The following MIA2 variants were observed in gnomAD, a reference collection of about 807,000 sequenced individuals.
The protein encoded by MIA2 is MIA SH3 domain ER export factor 2.
In MIA2, 127 loss-of-function variants were observed where a neutral mutation model predicts 167.8. That is an observed-to-expected ratio of 0.76 (90% confidence interval 0.66 to 0.88). The LOEUF is 0.88. MIA2 is among the 40% of genes least tolerant of loss of function. The probability of loss-of-function intolerance (pLI) is 0.00; values close to 1 mark genes in which losing one functional copy is unlikely to be tolerated. For missense variants in MIA2, 1,690 were observed against 1,624.7 expected (o/e 1.04, Z -0.69); for synonymous variants, 552 against 541.9 (o/e 1.02, Z -0.26).
At chr14:39,317,172 G>A (rs1021262231) in intron 21 of MIA2, among the ~76,000 whole-genome samples, 1 of 152,102 alleles carries the variant, frequency 6.6e-6, no homozygotes, top group Non-Finnish European at 1.5e-5. Flanking sequence ...AGGAACCACA[G>A]GCTAAAGAAT....
intron 13 of MIA2, among the ~76,000 whole-genome samples, chr14:39,299,068 TAAAAAA>T (rs3065043): frequency 1.1e-4 from 5 of 44,002 alleles, no homozygotes; most frequent in African/African-American, 2.5e-4. Context: ...TCCCTGCCTC[TAAAAAA>T]AAAAAAAAAA....
intron 23 of MIA2, among the ~76,000 whole-genome samples, chr14:39,361,269 C>T (rs2074676261): frequency 6.6e-6 from 1 of 152,030 alleles, no homozygotes; most frequent in Non-Finnish European, 1.5e-5. Context: ...TATTCCAATC[C>T]TGTGATGATG....
At chr14:39,383,654 A>G (rs1783344884) in intron 23 of MIA2, among the ~76,000 whole-genome samples, 1 of 152,258 alleles carries the variant, frequency 6.6e-6, no homozygotes, top group African/African-American at 2.4e-5. Flanking sequence ...GTGAATGCAA[A>G]GGAGAAGTTC....
chr14:39,340,306 T>C (rs1012288339), intron 25 of MIA2, among the ~76,000 whole-genome samples: 8 of 152,228 alleles, frequency 5.3e-5, no homozygotes, highest in African/African-American at 9.7e-5. Flanking sequence ...ACCTTGGTGG[T>C]GTAATCATGA....
rs372437695 is a variant in MIA2, at chr14:39,372,585, G to A, written c.2249-14300G>A. Among the ~76,000 whole-genome samples the A allele has an allele frequency of 9.1e-4, 139 of 152,308 alleles. 3 individuals are homozygous for A. The South Asian group carries it at 0.01, about 11-fold the overall frequency. ...GAACTTCGTAAATTTTAAATAACTT[G>A]AGGGTATGTTTAGTTGAGAAGAGGA... On this transcript the variant is annotated intron_variant, in intron 23 of 23. Coordinates refer to the MIA2 transcript ENST00000341502.
chr14:39,252,692 A>T, intron 4 of MIA2, 56 bp from the exon 5 acceptor site: 3 of 1,332,756 alleles, frequency 2.3e-6, no homozygotes, highest in Non-Finnish European at 3.1e-6. Context: ...ACAAAAGGGG[A>T]GCCCTCAACA....
At chr14:39,330,732 A>G (rs1272184550) in intron 25 of MIA2, among the ~76,000 whole-genome samples, 1 of 152,162 alleles carries the variant, frequency 6.6e-6, no homozygotes, top group Non-Finnish European at 1.5e-5. Context: ...CCTAGTAGTC[A>G]TTCAGGAGCA....
intron 1 of MIA2, among the ~76,000 whole-genome samples, chr14:39,236,556 T>C (rs1385186926): frequency 6.6e-6 from 1 of 152,210 alleles, no homozygotes; most frequent in Non-Finnish European, 1.5e-5. Flanking sequence ...TAGAATATAG[T>C]AAGTGCCAGG....
intron 24 of MIA2, among the ~76,000 whole-genome samples, chr14:39,325,618 T>C (rs569607168): frequency 2.0e-3 from 299 of 151,984 alleles, no homozygotes; most frequent in African/African-American, 6.4e-3. Flanking sequence ...CCGCCCGCCT[T>C]GACCTCCCAA....
In MIA2 at chr14:39,266,428, C is replaced by T. The variant is rs1055061337; in HGVS notation, c.1888-10506C>T. 2.3e-5 allele frequency: 23 copies of T among 985,270 alleles called. No individual in the cohort carries two copies. The African/African-American group carries it at 3.7e-4, about 16-fold the overall frequency. The allele number at this position is 985,270 out of a possible 1,614,324, so 61.0% of individuals were successfully genotyped here. A position where few individuals can be genotyped will look rare whatever the true frequency, so the allele number is the denominator to read the frequency against. On this transcript the variant is annotated intron_variant, in intron 6 of 28. Coordinates refer to ENST00000640607, the MANE Select transcript of MIA2 (RefSeq NM_001329214.4). ...TCTCGGAGGAAAACAGCACGCACCGCGCCAGGCCAAGGTCCACGGGGATTT... is the reference window on the plus strand; with the variant it reads ...TCTCGGAGGAAAACAGCACGCACCGTGCCAGGCCAAGGTCCACGGGGATTT...
chr14:39,347,424 G>C, intron 26 of MIA2: 2 of 362,054 alleles, frequency 5.5e-6, no homozygotes, highest in Non-Finnish European at 9.9e-6. Flanking sequence ...AGGAAAAGAA[G>C]GAAGGAGGGA....
intron 7 of MIA2, among the ~76,000 whole-genome samples, chr14:39,277,708 A>T (rs1291312032): frequency 1.7e-3 from 12 of 6,900 alleles, no homozygotes; most frequent in African/African-American, 0.011. Flanking sequence ...ATATATATAT[A>T]TATATATGTG....
At chr14:39,346,092 G>C in intron 26 of MIA2, 66 bp downstream of exon 26, 1 of 1,358,062 alleles carries the variant, frequency 7.4e-7, no homozygotes, top group Non-Finnish European at 1.0e-6. Flanking sequence ...CTGGAAGTTA[G>C]AATAAAGACC....
chr14:39,333,728 C>T (rs1159671016), intron 25 of MIA2, among the ~76,000 whole-genome samples: 2 of 152,256 alleles, frequency 1.3e-5, no homozygotes, highest in South Asian at 2.1e-4. Context: ...TTAAGCGCTT[C>T]AGGCAGTTAT....
At chr14:39,294,891 T>C in intron 12 of MIA2, 34 bp from the exon 13 acceptor site, 1 of 1,377,194 alleles carries the variant, frequency 7.3e-7, no homozygotes, top group Non-Finnish European at 1.0e-6. Flanking sequence ...ATTAAATTAA[T>C]TGTTACAAAC....
intron 23 of MIA2, among the ~76,000 whole-genome samples, chr14:39,381,582 C>CT (rs1375911011): frequency 6.6e-6 from 1 of 151,980 alleles, no homozygotes; most frequent in Non-Finnish European, 1.5e-5. Context: ...GGCCGAAGCT[C>CT]TTTCGGTTTC....
At chr14:39,357,134 C>G (rs1259007077) in intron 23 of MIA2, among the ~76,000 whole-genome samples, 1 of 151,818 alleles carries the variant, frequency 6.6e-6, no homozygotes, top group African/African-American at 2.4e-5. Context: ...GTTGATCTGT[C>G]TAATGTTGAC....
At chr14:39,306,876 C>G (rs191305446) in intron 17 of MIA2, among the ~76,000 whole-genome samples, 131 of 151,932 alleles carry the variant, frequency 8.6e-4, no homozygotes, top group African/African-American at 3.0e-3. Flanking sequence ...TAGAGGCGCT[C>G]AGAGTTGAGG....
At chr14:39,355,436 C>A (rs901971653), downstream of MIA2, among the ~76,000 whole-genome samples, 1 of 152,154 alleles carries the variant, frequency 6.6e-6, no homozygotes, top group African/African-American at 2.4e-5. Flanking sequence ...TGCTTATCAG[C>A]TTAAGGAGAT....
Sources: gnomAD v4.1 joint callset for allele counts (sites outside exome capture counted in the v4.1 genomes callset) on GRCh38, gnomAD v4.1.1 for gene constraint, MANE v1.5 for transcripts, NCBI Gene and HGNC (gene_info 2026-07-23, HGNC 2026-07-21) for gene names.